The following TCF12 variants were observed in gnomAD, a reference collection of about 807,000 sequenced individuals.
TCF12 encodes the protein transcription factor 12.
Under a neutral mutation model 86.0 loss-of-function variants are expected in TCF12, and 45 were observed. The observed-to-expected ratio is 0.52, with a 90% CI of 0.41 to 0.67. The LOEUF (loss-of-function observed/expected upper bound fraction) is 0.67. Ranked by LOEUF, TCF12 falls within the 30% of genes least tolerant of loss-of-function variation. The pLI is 0.00. For missense variants in TCF12, 881 were observed against 859.9 expected, an observed-to-expected ratio of 1.02 and a Z score of -0.31; for synonymous variants, 330 against 299.6, an observed-to-expected ratio of 1.10 and a Z score of -1.05.
At chr15:57,264,270 G>A (rs1453403215) in intron 18 of TCF12, among the ~76,000 whole-genome samples, 7 of 116,326 alleles carry the variant, frequency 6.0e-5, no homozygotes, top group Admixed American at 2.6e-4. Flanking sequence ...GCATCATCTC[G>A]GCTCACTGCA....
intron 5 of TCF12, among the ~76,000 whole-genome samples, chr15:57,145,841 G>C (rs1478105924): frequency 2.0e-5 from 3 of 152,258 alleles, no homozygotes; most frequent in African/African-American, 7.2e-5. Flanking sequence ...TGATAGTTGA[G>C]GGTAGGAAGG....
intron 5 of TCF12, among the ~76,000 whole-genome samples, chr15:57,134,948 C>A (rs2052413215): frequency 6.8e-6 from 1 of 147,200 alleles, no homozygotes; most frequent in Admixed American, 6.8e-5. Context: ...TGTACTGTTT[C>A]CTGTTTTTGT....
intron 18 of TCF12, among the ~76,000 whole-genome samples, chr15:57,269,705 T>C (rs1487969317): frequency 6.6e-6 from 1 of 152,184 alleles, no homozygotes; most frequent in African/African-American, 2.4e-5. Context: ...GGTTGTTGCT[T>C]ACCATGTTTA....
intron 5 of TCF12, among the ~76,000 whole-genome samples, chr15:57,161,660 TG>T (rs1411395833): frequency 5.3e-5 from 8 of 152,196 alleles, no homozygotes; most frequent in African/African-American, 9.7e-5. Context: ...TGAACTTGAA[TG>T]GGAAAAAATT....
chr15:57,253,414 C>G lies in TCF12; in HGVS notation c.1413C>G (p.Leu471=). The G allele has an allele frequency of 6.2e-7, 1 of 1,614,058 alleles. No homozygotes were observed. Among genetic ancestry groups the G allele is most frequent in the African/African-American group, 1.3e-5 (1 of 75,010 alleles). ...CCCATAATGCACCAATTGGAAGCCT[C>G]AATTCAAACTATGGAGGATCAAGCC... is the stretch of plus-strand genomic sequence containing the variant. ...GPSHNAPIGS[L]NSNYGGSSLV... is the part of the protein sequence containing the mutation. The change falls in exon 16 of 21, where the codon CTC becomes CTG. Residue 471 remains leucine (L), a synonymous_variant. Coordinates refer to ENST00000333725, the MANE Select transcript of TCF12 (RefSeq NM_207037.2).
chr15:57,157,752 G>A (rs1282309120), intron 5 of TCF12, among the ~76,000 whole-genome samples: 1 of 151,794 alleles, frequency 6.6e-6, no homozygotes, highest in African/African-American at 2.4e-5. Context: ...TAGTAGAGAT[G>A]GGGTTTCACT....
chr15:57,180,516 C>T (rs1362877922), intron 6 of TCF12, among the ~76,000 whole-genome samples: 3 of 152,128 alleles, frequency 2.0e-5, no homozygotes, highest in African/African-American at 7.2e-5. Context: ...GTGTTTTATA[C>T]CTTTCTATTC....
chr15:57,198,116 A>G (rs1430395560), intron 8 of TCF12, among the ~76,000 whole-genome samples: 2 of 152,196 alleles, frequency 1.3e-5, no homozygotes, highest in African/African-American at 4.8e-5. Flanking sequence ...ATGATCTCCT[A>G]TGCAGGTCTT....
rs796308037 is a variant in TCF12 at position 57,258,436 on chromosome 15, A to C, written c.1468-3658A>C. Among the ~76,000 whole-genome samples, 19 of 152,356 alleles carry C rather than the reference A, an allele frequency of 1.2e-4. 1 individual carries two copies. The highest frequency in any genetic ancestry group is 4.6e-4 in the African/African-American group (19 of 41,582). Reference sequence around the variant, plus strand: ...TCAAAACACCTTTCTCTTTAATGAAAAGTACGGTTATTCCTCAGTCAGACA... The same window carrying C: ...TCAAAACACCTTTCTCTTTAATGAACAGTACGGTTATTCCTCAGTCAGACA... On this transcript the variant is annotated intron_variant, in intron 16 of 20. Coordinates refer to ENST00000333725, the MANE Select transcript of TCF12 (RefSeq NM_207037.2).
intron 19 of TCF12, among the ~76,000 whole-genome samples, chr15:57,273,712 T>C (rs2152101401): frequency 6.6e-6 from 1 of 152,292 alleles, no homozygotes; most frequent in Middle Eastern, 3.4e-3. Flanking sequence ...TTATCATCCC[T>C]TCTGCCTTTG....
intron 7 of TCF12, 22 bp downstream of exon 7, chr15:57,192,315 T>G: frequency 6.2e-7 from 1 of 1,611,654 alleles, no homozygotes; most frequent in Non-Finnish European, 8.5e-7. Context: ...ACACAACAAA[T>G]CCCATCCCAC....
chr15:57,112,374 G>A (rs1330905290), intron 5 of TCF12, among the ~76,000 whole-genome samples: 2 of 152,208 alleles, frequency 1.3e-5, no homozygotes, highest in Non-Finnish European at 2.9e-5. Flanking sequence ...GAAGGTAGAT[G>A]ACTACTTTGG....
chr15:57,216,233 A>G (rs886840424), intron 8 of TCF12, among the ~76,000 whole-genome samples: 4 of 152,224 alleles, frequency 2.6e-5, no homozygotes, highest in African/African-American at 9.6e-5. Context: ...ATATGGCTCC[A>G]AGTTACGTAT....
chr15:57,262,851 T>C (rs1171512841), intron 17 of TCF12, among the ~76,000 whole-genome samples: 2 of 152,212 alleles, frequency 1.3e-5, no homozygotes, highest in Non-Finnish European at 2.9e-5. Flanking sequence ...GTTCATTTGT[T>C]AAATAGTGCC....
intron 3 of TCF12, among the ~76,000 whole-genome samples, chr15:56,944,970 T>C (rs1228392499): frequency 1.3e-5 from 2 of 152,190 alleles, no homozygotes; most frequent in Non-Finnish European, 2.9e-5. Flanking sequence ...TTGCAATACA[T>C]GAACATATCT....
At chr15:56,920,797 T>G (rs2059757652) in intron 2 of TCF12, among the ~76,000 whole-genome samples, 1 of 152,192 alleles carries the variant, frequency 6.6e-6, no homozygotes, top group South Asian at 2.1e-4. Context: ...TCTTGGACTC[T>G]TCCATGTAAA....
At chr15:57,266,671 A>T (rs903688741) in intron 18 of TCF12, among the ~76,000 whole-genome samples, 1 of 152,212 alleles carries the variant, frequency 6.6e-6, no homozygotes, top group Non-Finnish European at 1.5e-5. Context: ...ATGAATATAG[A>T]CACATAGTAC....
intron 5 of TCF12, among the ~76,000 whole-genome samples, chr15:57,157,260 A>T (rs2054176442): frequency 6.6e-6 from 1 of 151,970 alleles, no homozygotes; most frequent in African/African-American, 2.4e-5. Flanking sequence ...TTTAAAGAGT[A>T]CACATTCATG....
intron 5 of TCF12, among the ~76,000 whole-genome samples, chr15:57,136,970 GTTTTTTT>G (rs1402740121): frequency 2.4e-5 from 1 of 40,830 alleles, no homozygotes; most frequent in African/African-American, 8.5e-5. Context: ...TTTTTTTTTT[GTTTTTTT>G]TTTTTTTTTT....
Sources: gnomAD v4.1 joint callset for allele counts (sites outside exome capture counted in the v4.1 genomes callset) on GRCh38, gnomAD v4.1.1 for gene constraint, MANE v1.5 for transcripts, NCBI Gene and HGNC (gene_info 2026-07-23, HGNC 2026-07-21) for gene names.